CDH9: variants seen among roughly 807,000 people sequenced by gnomAD.
CDH9 encodes the protein cadherin 9.
In CDH9, 28 loss-of-function variants were observed where a neutral mutation model predicts 70.9. The observed-to-expected ratio is 0.40, with a 90% CI of 0.29 to 0.54. CDH9 has a LOEUF of 0.54. Ranked by LOEUF, CDH9 falls within the 20% of genes least tolerant of loss-of-function variation. The pLI, the probability that CDH9 is intolerant of heterozygous loss-of-function variation, is 0.59. For missense variants in CDH9, 874 were observed against 984.4 expected (o/e 0.89, Z 1.50); for synonymous variants, 409 against 343.1 (o/e 1.19, Z -2.12).
At chr5:26,924,308 A>C (rs1741298377) in intron 2 of CDH9, among the ~76,000 whole-genome samples, 2 of 151,932 alleles carry the variant, frequency 1.3e-5, no homozygotes, top group Non-Finnish European at 2.9e-5. Flanking sequence ...GAAATGAATA[A>C]ATTTCCAGAC....
intron 2 of CDH9, among the ~76,000 whole-genome samples, chr5:26,931,563 TAA>T (rs1741462565): frequency 6.6e-6 from 1 of 152,010 alleles, no homozygotes; most frequent in Non-Finnish European, 1.5e-5. Context: ...ATTGCGTGAG[TAA>T]AGAGTACATC....
intron 2 of CDH9, among the ~76,000 whole-genome samples, chr5:26,935,881 A>G (rs954633826): frequency 6.7e-6 from 1 of 150,154 alleles, no homozygotes. Flanking sequence ...ACAAATGAAT[A>G]AAGTGGCATA....
At position 26,880,730 on chromosome 5, in the gene CDH9, T is replaced by C. The variant is rs1740445713; in HGVS notation, c.*406A>G. ...GGCAGTAATAGTCATTCCTATTTCA[T>C]TAGGGATATATCTTCTTCATATTAA... On this transcript the variant is annotated 3_prime_UTR_variant, in exon 12 of 12. Transcript: ENST00000231021. The C allele has an allele frequency of 6.5e-6, 1 of 153,816 alleles. No homozygotes were observed. The highest frequency in any genetic ancestry group is 1.4e-5 in the Non-Finnish European group (1 of 68,982). 9.5% of individuals were successfully genotyped at this position (153,816 alleles called of 1,614,324 possible).
chr5:26,939,440 GTA>G (rs1388079808), intron 2 of CDH9, among the ~76,000 whole-genome samples: 1 of 151,064 alleles, frequency 6.6e-6, no homozygotes, highest in Non-Finnish European at 1.5e-5. Flanking sequence ...GTTTAGAAAA[GTA>G]TATATACATA....
chr5:26,900,986 C>T (rs1177877617), intron 7 of CDH9, among the ~76,000 whole-genome samples: 1 of 151,966 alleles, frequency 6.6e-6, no homozygotes, highest in African/African-American at 2.4e-5. Context: ...AAGACACCAA[C>T]AAGCACTCAT....
Position 26,881,638 on chromosome 5 carries a change from T to A in CDH9, c.1883-15A>T. ...CACGACTAAAACTATTAATAAGAAA[T>A]GGGAAAATAGTGAGATTTCATGAGT... is the stretch of plus-strand genomic sequence containing the variant. On this transcript the variant is annotated splice_polypyrimidine_tract_variant and intron_variant, in intron 11 of 11. Transcript: ENST00000231021. 6.3e-7 allele frequency: 1 copy of A among 1,589,422 alleles called. No individual in the cohort carries two copies. Among genetic ancestry groups the A allele is most frequent in the South Asian group, 1.1e-5 (1 of 87,034 alleles).
intron 7 of CDH9, among the ~76,000 whole-genome samples, chr5:26,896,197 CT>C (rs1051011462): frequency 2.0e-5 from 3 of 151,808 alleles, no homozygotes; most frequent in South Asian, 2.1e-4. Flanking sequence ...TTAAACTGAA[CT>C]TTTTTAAAGC....
intron 2 of CDH9, among the ~76,000 whole-genome samples, chr5:26,925,542 T>A (rs1741322219): frequency 6.6e-6 from 1 of 152,162 alleles, no homozygotes; most frequent in South Asian, 2.1e-4. Context: ...ATACAGAAGC[T>A]TTTTAGTTTA....
chr5:26,975,673 A>T (rs1213795346), intron 2 of CDH9, among the ~76,000 whole-genome samples: 1 of 152,208 alleles, frequency 6.6e-6, no homozygotes, highest in Non-Finnish European at 1.5e-5. Context: ...GATTATTAAG[A>T]AAGTCTGACC....
At chr5:26,920,727 TCTCA>T in intron 2 of CDH9, among the ~76,000 whole-genome samples, 1 of 152,218 alleles carries the variant, frequency 6.6e-6, no homozygotes, top group South Asian at 2.1e-4. Context: ...TTCTCCCAGA[TCTCA>T]CTCAAGACCA....
At chr5:27,020,230 A>C (rs1374219270) in intron 1 of CDH9, among the ~76,000 whole-genome samples, 1 of 151,776 alleles carries the variant, frequency 6.6e-6, no homozygotes, top group Admixed American at 6.6e-5. Flanking sequence ...ACAATTATTT[A>C]AAATGGTTGT....
At chr5:26,907,296 AT>A (rs1302746876) in intron 3 of CDH9, among the ~76,000 whole-genome samples, 5 of 152,146 alleles carry the variant, frequency 3.3e-5, no homozygotes, top group African/African-American at 9.6e-5. Context: ...AAATAAAAAA[AT>A]AAAGAGAAAA....
chr5:26,971,472 A>C (rs909408714), intron 2 of CDH9, among the ~76,000 whole-genome samples: 4 of 152,204 alleles, frequency 2.6e-5, no homozygotes, highest in African/African-American at 4.8e-5. Flanking sequence ...TCAATGTATA[A>C]AATTCACTAA....
chr5:26,986,871 A>T (rs1327965904), intron 2 of CDH9, among the ~76,000 whole-genome samples: 1 of 152,074 alleles, frequency 6.6e-6, no homozygotes, highest in East Asian at 1.9e-4. Flanking sequence ...AGGAACCAGC[A>T]AGGGAACTGA....
intron 1 of CDH9, among the ~76,000 whole-genome samples, chr5:27,004,065 G>T (rs892423814): frequency 6.7e-6 from 1 of 148,370 alleles, no homozygotes; most frequent in Non-Finnish European, 1.5e-5. Context: ...AGGATAAATT[G>T]GGGAGGTAGT....
intron 1 of CDH9, among the ~76,000 whole-genome samples, chr5:27,034,153 T>C (rs1353484829): frequency 6.6e-6 from 1 of 151,766 alleles, no homozygotes; most frequent in Admixed American, 6.6e-5. Flanking sequence ...AATACATTAA[T>C]GAACATGTTA....
In CDH9 at chr5:26,906,830, C is replaced by A; in HGVS notation, c.532G>T (p.Val178Phe). ...GCATCTGTTGCAGTTACTTGTATAA[C>A]AGATGTACCTACATGAAACCCCCAT... is the stretch of plus-strand genomic sequence containing the variant. ...VPEMSGVGTS[V>F]IQVTATDADD... The change falls in exon 4 of 12, where the codon GTT becomes TTT. Residue 178 changes from valine (V) to phenylalanine (F), a missense_variant. Coordinates refer to ENST00000231021, the MANE Select transcript of CDH9 (RefSeq NM_016279.4). 1 of 1,609,208 alleles carries A rather than the reference C, an allele frequency of 6.2e-7. No homozygotes were observed. The highest frequency in any genetic ancestry group is 8.5e-7 in the Non-Finnish European group (1 of 1,176,938).
At chr5:26,931,388 C>T (rs1453572826) in intron 2 of CDH9, among the ~76,000 whole-genome samples, 1 of 152,080 alleles carries the variant, frequency 6.6e-6, no homozygotes, top group Non-Finnish European at 1.5e-5. Context: ...GAATCATAAA[C>T]TGTGCATGAA....
intron 1 of CDH9, among the ~76,000 whole-genome samples, chr5:26,994,813 T>C (rs1263952053): frequency 1.3e-5 from 2 of 152,218 alleles, no homozygotes; most frequent in Admixed American, 1.3e-4. Flanking sequence ...AGACCTCCTA[T>C]GTGTTTTAAG....
Sources: allele counts gnomAD v4.1 joint callset (sites outside exome capture counted in the v4.1 genomes callset), GRCh38; gene constraint gnomAD v4.1.1; transcripts MANE v1.5; gene names NCBI Gene and HGNC (gene_info 2026-07-23, HGNC 2026-07-21).